GLP1R: variants seen among roughly 807,000 people sequenced by gnomAD.
GLP1R encodes glucagon-like peptide 1 receptor.
Under a neutral mutation model 68.4 loss-of-function variants are expected in GLP1R, and 32 were observed. The ratio of observed to expected loss-of-function variants is 0.47; its 90% CI spans 0.35 to 0.63. GLP1R has a LOEUF of 0.63. Among genes scored for constraint, GLP1R ranks in the 20% least tolerant of loss-of-function variants. The pLI, the probability that GLP1R is intolerant of heterozygous loss-of-function variation, is 0.00. For missense variants in GLP1R, 502 were observed against 594.9 expected (o/e 0.84, Z 1.62); for synonymous variants, 263 against 244.4 (o/e 1.08, Z -0.71).
chr6:39,055,083 G>T (rs1312944825), intron 1 of GLP1R, among the ~76,000 whole-genome samples: 1 of 152,180 alleles, frequency 6.6e-6, no homozygotes. Flanking sequence ...CTTAAAGTGA[G>T]CTGGGCCCTT....
At chr6:39,055,669 G>C (rs1275160845) in intron 1 of GLP1R, among the ~76,000 whole-genome samples, 1 of 150,044 alleles carries the variant, frequency 6.7e-6, no homozygotes, top group African/African-American at 2.5e-5. Flanking sequence ...TGGGTGGATA[G>C]AAGCTGGGTT....
Position 39,085,991 on chromosome 6 carries a change from AGT to A in GLP1R, c.1313_1314del (p.Cys438SerfsTer105), listed in dbSNP as rs1222706486. ...AGGGACAGCAGCATGAAGCCCCTCA[AGT>A]GTCCCACCAGCAGCCTGAGCAGTGG... is the stretch of plus-strand genomic sequence containing the variant. On this transcript the variant is annotated frameshift_variant, in exon 13 of 13. Coordinates refer to ENST00000373256, the MANE Select transcript of GLP1R (RefSeq NM_002062.5). LOFTEE classifies it high-confidence loss of function. 1.9e-6 allele frequency: 3 copies of A among 1,614,038 alleles called. No homozygotes were observed. The highest frequency in any genetic ancestry group is 2.5e-6 in the Non-Finnish European group (3 of 1,179,942).
intron 1 of GLP1R, among the ~76,000 whole-genome samples, chr6:39,053,143 C>T (rs1030311831): frequency 1.3e-5 from 2 of 152,214 alleles, no homozygotes; most frequent in African/African-American, 4.8e-5. Context: ...CCTCTGACCG[C>T]TGCTTTGCTC....
At position 39,049,503 on chromosome 6, in the gene GLP1R, C is replaced by CT. The variant is rs1360012438; in HGVS notation, c.78+587dup. ...TGGGGCCCTGCGGTGGCAGCTTGTCCTTCCCAGTGACCTCCCAGATGGAAC... is the reference window on the plus strand; with the variant it reads ...TGGGGCCCTGCGGTGGCAGCTTGTCCTTTCCCAGTGACCTCCCAGATGGAAC... On this transcript the variant is annotated intron_variant, in intron 1 of 12. Coordinates refer to ENST00000373256, the MANE Select transcript of GLP1R (RefSeq NM_002062.5). This position sits in a 1 kb window ranked among gnomAD's most constrained non-coding sequence, Gnocchi z 4.5. Among the ~76,000 whole-genome samples, 22 of 152,122 alleles carry CT rather than the reference C, an allele frequency of 1.4e-4. No homozygotes were observed. Among genetic ancestry groups the CT allele is most frequent in the Non-Finnish European group, 1.8e-4 (12 of 68,006 alleles).
rs1012886820 is a variant in GLP1R, at chr6:39,090,324, T to G, written c.*4251T>G. On this transcript the variant is annotated 3_prime_UTR_variant, in exon 13 of 13. Transcript: ENST00000373256. The stretch of plus-strand genomic sequence containing the variant: ...CAATAACTCCCCAAGTCTCTTGGAA[T>G]ATATATGTATCTGAATCTCTCAGAG... Among the ~76,000 whole-genome samples, 1 of 152,216 alleles carries G rather than the reference T, an allele frequency of 6.6e-6. No homozygotes were observed. Among genetic ancestry groups the G allele is most frequent in the Admixed American group, 6.5e-5 (1 of 15,284 alleles).
chr6:39,065,089 G>A (rs1323296553), intron 3 of GLP1R, among the ~76,000 whole-genome samples: 1 of 152,210 alleles, frequency 6.6e-6, no homozygotes, highest in African/African-American at 2.4e-5. Flanking sequence ...AGACCAGGGG[G>A]TCCTTGCAGG....
intron 1 of GLP1R, among the ~76,000 whole-genome samples, chr6:39,054,184 C>T (rs768301034): frequency 1.1e-4 from 16 of 152,088 alleles, no homozygotes; most frequent in Non-Finnish European, 1.2e-4. Flanking sequence ...CATTGACCCC[C>T]GAGTAGCCTG....
At chr6:39,057,441 G>C (rs746202755) in intron 2 of GLP1R, 31 bp from the exon 3 acceptor site, 2 of 1,412,854 alleles carry the variant, frequency 1.4e-6, no homozygotes, top group Non-Finnish European at 2.0e-6. Context: ...GTCACAAGCA[G>C]GGACTCAGAG....
At chr6:39,061,248 G>T (rs1452913779) in intron 3 of GLP1R, among the ~76,000 whole-genome samples, 3 of 152,216 alleles carry the variant, frequency 2.0e-5, no homozygotes, top group Non-Finnish European at 4.4e-5. Context: ...CAAAGGAAAT[G>T]GCTGGTACAA....
intron 12 of GLP1R, 106 bp downstream of exon 12, chr6:39,080,845 T>TA (rs1284669982): frequency 3.0e-6 from 2 of 665,148 alleles, no homozygotes; most frequent in Non-Finnish European, 5.1e-6. Flanking sequence ...TGAAACCCCC[T>TA]ACTCACCTCA....
chr6:39,078,782 G>A (rs1045418889), intron 8 of GLP1R, among the ~76,000 whole-genome samples, 175 bp from the exon 9 acceptor site: 10 of 152,088 alleles, frequency 6.6e-5, no homozygotes, highest in Non-Finnish European at 1.0e-4. Context: ...GTGTTGTGTG[G>A]CTGTGCACTG....
intron 12 of GLP1R, among the ~76,000 whole-genome samples, chr6:39,081,316 A>T (rs553797230): frequency 4.1e-4 from 62 of 152,294 alleles, no homozygotes; most frequent in African/African-American, 1.3e-3. Flanking sequence ...CAGAGCCAGG[A>T]TTCAAATTAA....
intron 3 of GLP1R, among the ~76,000 whole-genome samples, chr6:39,063,956 CA>C (rs1243182974): frequency 4.2e-4 from 54 of 129,550 alleles, no homozygotes; most frequent in African/African-American, 1.6e-3. Flanking sequence ...CACACACACA[CA>C]CACACCCCAC....
intron 3 of GLP1R, among the ~76,000 whole-genome samples, chr6:39,061,565 G>A (rs1768358932): frequency 6.6e-6 from 1 of 152,172 alleles, no homozygotes; most frequent in Non-Finnish European, 1.5e-5. Flanking sequence ...GGGAAACTGA[G>A]GCCCAAGCTT....
intron 12 of GLP1R, among the ~76,000 whole-genome samples, chr6:39,083,565 G>C (rs1223936751): frequency 6.6e-6 from 1 of 152,164 alleles, no homozygotes; most frequent in Non-Finnish European, 1.5e-5. Context: ...CCACAGTGAG[G>C]TGACTCAGAG....
At chr6:39,076,602 A>G (rs891312823) in intron 7 of GLP1R, among the ~76,000 whole-genome samples, 1 of 152,210 alleles carries the variant, frequency 6.6e-6, no homozygotes, top group Non-Finnish European at 1.5e-5. Context: ...AGGAAAGGCT[A>G]TGAAGTGGTT....
At position 39,057,460 on chromosome 6, in the gene GLP1R, T is replaced by C; in HGVS notation, c.176-12T>C. ...CAAGCAGGGACTCAGAGACTGTTCTTTCTGCTCCCAGACTTGTTCTGCAAC... is the reference window on the plus strand; with the variant it reads ...CAAGCAGGGACTCAGAGACTGTTCTCTCTGCTCCCAGACTTGTTCTGCAAC... On this transcript the variant is annotated splice_polypyrimidine_tract_variant and intron_variant, in intron 2 of 12. Coordinates refer to ENST00000373256, the MANE Select transcript of GLP1R (RefSeq NM_002062.5). 1 of 1,577,240 alleles carries C rather than the reference T, an allele frequency of 6.3e-7. No homozygotes were observed. The highest frequency in any genetic ancestry group is 8.7e-7 in the Non-Finnish European group (1 of 1,146,812).
At chr6:39,077,454 C>G (rs1334332728) in intron 7 of GLP1R, among the ~76,000 whole-genome samples, 1 of 152,258 alleles carries the variant, frequency 6.6e-6, no homozygotes, top group Admixed American at 6.5e-5. Flanking sequence ...AGACCTCCAT[C>G]TAGGCCTTCT....
At position 39,065,837 on chromosome 6, in the gene GLP1R, G is replaced by C; in HGVS notation, c.402+8G>C. ...TCCAAGCGAGGGGAAAGAGTGAGTT[G>C]AGGCGGGGTTCTGAGCCAGGGAGCG... On this transcript the variant is annotated splice_region_variant and intron_variant, in intron 4 of 12. Transcript: ENST00000373256. 1 of 1,535,512 alleles carries C rather than the reference G, an allele frequency of 6.5e-7. No homozygotes were observed.
Sources: allele counts gnomAD v4.1 joint callset (sites outside exome capture counted in the v4.1 genomes callset), GRCh38; gene constraint gnomAD v4.1.1; non-coding constraint Gnocchi (gnomAD v3.1); transcripts MANE v1.5; gene names NCBI Gene and HGNC (gene_info 2026-07-23, HGNC 2026-07-21).